The following ETAA1 variants were observed in gnomAD, a reference collection of about 807,000 sequenced individuals.
The protein encoded by ETAA1 is ewing's tumor-associated antigen 1.
ETAA1 carries 49 observed loss-of-function variants against 76.8 expected under a neutral mutation model. That is an observed-to-expected ratio of 0.64 (90% CI 0.51 to 0.81). The LOEUF is 0.81. Ranked by LOEUF, ETAA1 falls within the 30% of genes least tolerant of loss-of-function variation. The pLI, the probability that ETAA1 is intolerant of heterozygous loss-of-function variation, is 0.00. For missense variants in ETAA1, 1,099 were observed against 1,074.0 expected (o/e 1.02, Z -0.32); for synonymous variants, 373 against 372.2 (o/e 1.00, Z -0.03).
chr2:67,399,560 A>C lies in ETAA1; in HGVS notation c.363A>C (p.Arg121Ser). The C allele has an allele frequency of 6.2e-7, 1 of 1,603,736 alleles. No individual in the cohort carries two copies. Among genetic ancestry groups the C allele is most frequent in the Non-Finnish European group, 8.5e-7 (1 of 1,174,100 alleles). ...TCTTTGTTTCTTTAGGTAAAGGAAG[A>C]AAAAAACAGATTTACACCACAGATA... ...SPLTKQLGKG[R>S]KKQIYTTDSD... The change falls in exon 3 of 6, where the codon AGA becomes AGC. Residue 121 changes from arginine (R) to serine (S), a missense_variant. Transcript: ENST00000272342.
chr2:67,399,725 T>A lies in ETAA1; in HGVS notation c.429+99T>A, dbSNP rs1353244968. On this transcript the variant is annotated intron_variant, in intron 3 of 5. Coordinates refer to ENST00000272342, the MANE Select transcript of ETAA1 (RefSeq NM_019002.4). ...AATGAAAAGTATTGTCTATTATAAT[T>A]CTTTTTTCCAAAAATAAGGCAGCAA... 5.9e-5 allele frequency: 45 copies of A among 758,912 alleles called. No homozygotes were observed. The East Asian group carries it at 1.3e-3, about 22-fold the overall frequency. The allele number at this position is 758,912 out of a possible 1,614,324, so 47.0% of individuals were successfully genotyped here.
intron 1 of ETAA1, 47 bp downstream of exon 1, chr2:67,397,718 C>G: frequency 6.6e-7 from 1 of 1,517,832 alleles, no homozygotes; most frequent in Non-Finnish European, 8.9e-7. Flanking sequence ...CGCCGCATCC[C>G]CACATCCCAG....
rs1676345199 is a variant in ETAA1 at position 67,410,509 on chromosome 2, T to TTGA, written c.*473_*475dup. On this transcript the variant is annotated 3_prime_UTR_variant, in exon 6 of 6. Coordinates refer to ENST00000272342, the MANE Select transcript of ETAA1 (RefSeq NM_019002.4). ...TACTTTCATATTTCTAGGAACATGG[T>TTGA]TGATATGAAATAAAGGACTTTTTAT... 1 of 152,222 alleles carries TTGA rather than the reference T, an allele frequency of 6.6e-6. No homozygotes were observed. Among genetic ancestry groups the TTGA allele is most frequent in the South Asian group, 2.1e-4 (1 of 4,844 alleles). 9.4% of individuals were successfully genotyped at this position (152,222 alleles called of 1,614,324 possible).
In ETAA1 at chr2:67,403,970, G is replaced by A. The variant is rs1449824450; in HGVS notation, c.1288G>A (p.Ala430Thr). Residue 430 changes from alanine (A) to threonine (T), a missense_variant, in exon 5 of 6, where the codon GCA (alanine) becomes ACA (threonine). By Grantham distance (58) the Ala-to-Thr change is moderately conservative. This residue lies in a region of ETAA1 where 761 missense variants were observed against 731.9 expected (regional missense o/e 1.04). Coordinates refer to ENST00000272342, the MANE Select transcript of ETAA1 (RefSeq NM_019002.4). ...TAAAACTGTTAAAAATACGTCAAGAGCAAATACAAGTCCAGATGCCAGGTT... is the reference window on the plus strand; with the variant it reads ...TAAAACTGTTAAAAATACGTCAAGAACAAATACAAGTCCAGATGCCAGGTT... ...NSKTVKNTSR[A>T]NTSPDARLGD... is the part of the protein sequence containing the mutation. The A allele has an allele frequency of 6.2e-7, 1 of 1,608,878 alleles. No individual in the cohort carries two copies.
rs373730082 is a variant in ETAA1 at position 67,399,342 on chromosome 2, A to G, written c.352+45A>G. The G allele has an allele frequency of 2.7e-5, 41 of 1,524,750 alleles. No individual in the cohort carries two copies. In the African/African-American group the frequency reaches 4.5e-4, roughly 17 times the overall value. The allele number at this position is 1,524,750 out of a possible 1,614,324, so 94.5% of individuals were successfully genotyped here. A position where few individuals can be genotyped will look rare whatever the true frequency, so the allele number is the denominator to read the frequency against. Reference sequence around the variant, plus strand: ...TTTTATGTGAGTAAATATTTGATAAATGATTCAGATTTAACTAGAATTCTA... The same window carrying G: ...TTTTATGTGAGTAAATATTTGATAAGTGATTCAGATTTAACTAGAATTCTA... On this transcript the variant is annotated intron_variant, in intron 2 of 5. Coordinates refer to ENST00000272342, the MANE Select transcript of ETAA1 (RefSeq NM_019002.4).
At chr2:67,398,359 A>G (rs1329739741) in intron 1 of ETAA1, among the ~76,000 whole-genome samples, 2 of 146,060 alleles carry the variant, frequency 1.4e-5, no homozygotes, top group Non-Finnish European at 3.0e-5. Flanking sequence ...CTTTTGGGAA[A>G]GAATCTCGCC....
In ETAA1 at chr2:67,411,650, T is replaced by TA. The variant is rs1558584396; in HGVS notation, c.*1613dup. ...GACGCATATCACTTTTGCATCACGT[T>TA]AGAGTTGAAAAATTGTAAGTCAACC... On this transcript the variant is annotated 3_prime_UTR_variant, in exon 6 of 6. Transcript: ENST00000272342. 1 of 152,104 alleles carries TA rather than the reference T, an allele frequency of 6.6e-6. No homozygotes were observed. Among genetic ancestry groups the TA allele is most frequent in the African/African-American group, 2.4e-5 (1 of 41,448 alleles). The allele number at this position is 152,104 out of a possible 1,614,324, so 9.4% of individuals were successfully genotyped here. A position where few individuals can be genotyped will look rare whatever the true frequency, so the allele number is the denominator to read the frequency against.
intron 1 of ETAA1, 29 bp downstream of exon 1, chr2:67,397,700 G>T (rs1297698214): frequency 1.3e-6 from 2 of 1,539,694 alleles, no homozygotes; most frequent in Admixed American, 2.0e-5. Flanking sequence ...GGCCTGCCTT[G>T]GCTTCGGCGC....
chr2:67,397,552 G>A lies in ETAA1; in HGVS notation c.104G>A (p.Arg35Lys), dbSNP rs1299891319. The A allele has an allele frequency of 2.5e-6, 4 of 1,576,670 alleles. No homozygotes were observed. The African/African-American group carries it at 4.1e-5, about 16-fold the overall frequency. ...ECGSVVEPGR[R>K]RLRSARGSWP... The stretch of plus-strand genomic sequence containing the variant: ...GGCTCGGTGGTCGAGCCAGGGAGGA[G>A]GCGGCTGAGATCGGCCCGCGGTTCG... The change falls in exon 1 of 6, where the codon AGG (arginine) becomes AAG (lysine). Residue 35 changes from arginine (R) to lysine (K), a missense_variant. This residue lies in a region of ETAA1 where 761 missense variants were observed against 731.9 expected (regional missense o/e 1.04). Coordinates refer to ENST00000272342, the MANE Select transcript of ETAA1 (RefSeq NM_019002.4).
rs1412856893 is a variant in ETAA1 at position 67,411,662 on chromosome 2, ATTG to A, written c.*1626_*1628del. The A allele has an allele frequency of 6.6e-6, 1 of 152,102 alleles. No homozygotes were observed. The highest frequency in any genetic ancestry group is 1.5e-5 in the Non-Finnish European group (1 of 67,998). 9.4% of individuals were successfully genotyped at this position (152,102 alleles called of 1,614,324 possible). On this transcript the variant is annotated 3_prime_UTR_variant, in exon 6 of 6. Transcript: ENST00000272342. ...TTTTGCATCACGTTAGAGTTGAAAA[ATTG>A]TAAGTCAACCATTTTAAGTTGGAGA...
At position 67,410,437 on chromosome 2, in the gene ETAA1, C is replaced by G. The variant is rs1487735286; in HGVS notation, c.*399C>G. ...GAGACTGTTTTTGTAGTTTTACTTT[C>G]ATTAACTGTTGCTTAAGGTTTTTAT... On this transcript the variant is annotated 3_prime_UTR_variant, in exon 6 of 6. Transcript: ENST00000272342. 6.5e-6 allele frequency: 1 copy of G among 154,796 alleles called. No individual in the cohort carries two copies. The highest frequency in any genetic ancestry group is 1.4e-5 in the Non-Finnish European group (1 of 69,990). 9.6% of individuals were successfully genotyped at this position (154,796 alleles called of 1,614,324 possible). A position where few individuals can be genotyped will look rare whatever the true frequency, so the allele number is the denominator to read the frequency against.
intron 3 of ETAA1, 73 bp from the exon 4 acceptor site, chr2:67,402,789 T>A: frequency 1.0e-6 from 1 of 984,686 alleles, no homozygotes; most frequent in Non-Finnish European, 1.4e-6. Flanking sequence ...CTTTTTTCTT[T>A]CTTTTGTTTT....
chr2:67,405,581 G>A (rs572404548), intron 5 of ETAA1, among the ~76,000 whole-genome samples: 13 of 151,912 alleles, frequency 8.6e-5, no homozygotes, highest in South Asian at 6.3e-4. Flanking sequence ...ACAATGACTG[G>A]CATATAGTAG....
At position 67,409,909 on chromosome 2, in the gene ETAA1, A is replaced by T; in HGVS notation, c.2654-2A>T. 6.3e-7 allele frequency: 1 copy of T among 1,585,648 alleles called. No homozygotes were observed. Among genetic ancestry groups the T allele is most frequent in the East Asian group, 2.3e-5 (1 of 44,238 alleles). On this transcript the variant is annotated splice_acceptor_variant, in intron 5 of 5. Coordinates refer to ENST00000272342, the MANE Select transcript of ETAA1 (RefSeq NM_019002.4). LOFTEE classifies it high-confidence loss of function. ...AAAACTCATCTTTTGTTGAATTTTT[A>T]GAGGAAGAAGAGAAAAATAGAAAGT...
In ETAA1 at chr2:67,403,662, A is replaced by G. The variant is rs1437162196; in HGVS notation, c.980A>G (p.Asn327Ser). Residue 327 changes from asparagine (N) to serine (S), a missense_variant, in exon 5 of 6, where the codon AAT becomes AGT. This residue lies in a region of ETAA1 where 761 missense variants were observed against 731.9 expected (regional missense o/e 1.04). Coordinates refer to ENST00000272342, the MANE Select transcript of ETAA1 (RefSeq NM_019002.4). ...NALKEEKIITNETLVIEKLSN... is the reference protein window; with the variant it reads ...NALKEEKIITSETLVIEKLSN... ...TTGAAAGAGGAGAAAATCATTACTA[A>G]TGAAACTCTGGTCATTGAAAAACTG... 2 of 1,613,408 alleles carry G rather than the reference A, an allele frequency of 1.2e-6. No individual in the cohort carries two copies. The highest frequency in any genetic ancestry group is 1.1e-5 in the South Asian group (1 of 91,072).
intron 3 of ETAA1, chr2:67,401,577 A>G (rs1385334210): frequency 6.6e-6 from 1 of 151,916 alleles, no homozygotes; most frequent in Non-Finnish European, 1.5e-5. Context: ...TTATGTAATT[A>G]TTCATGAAGA....
intron 4 of ETAA1, 32 bp from the exon 5 acceptor site, chr2:67,403,193 A>AT (rs1676102624): frequency 7.2e-7 from 1 of 1,397,918 alleles, no homozygotes; most frequent in Non-Finnish European, 9.7e-7. Context: ...GTTTCAGAAC[A>AT]TTTTTAGTTA....
chr2:67,401,043 G>T (rs1216206551), intron 3 of ETAA1: 1 of 152,028 alleles, frequency 6.6e-6, no homozygotes, highest in East Asian at 1.9e-4. Context: ...ATGTGTTTGG[G>T]TGGGCCAGTC....
chr2:67,397,701 G>C, intron 1 of ETAA1, 30 bp downstream of exon 1: 2 of 1,539,490 alleles, frequency 1.3e-6, no homozygotes, highest in Non-Finnish European at 1.7e-6. Flanking sequence ...GCCTGCCTTG[G>C]CTTCGGCGCC....
Sources: allele counts gnomAD v4.1 joint callset (sites outside exome capture counted in the v4.1 genomes callset), GRCh38; gene constraint gnomAD v4.1.1; regional missense constraint gnomAD v4.1.1; transcripts MANE v1.5; gene names NCBI Gene and HGNC (gene_info 2026-07-23, HGNC 2026-07-21).